MBTD1: variants seen among roughly 807,000 people sequenced by gnomAD.
The protein encoded by MBTD1 is MBT domain-containing protein 1.
In MBTD1, 24 loss-of-function variants were observed where a neutral mutation model predicts 87.8. The observed-to-expected ratio is 0.27, with a 90% CI of 0.20 to 0.38. The LOEUF (loss-of-function observed/expected upper bound fraction) is 0.38, where lower values mean the gene tolerates loss of function less well. MBTD1 is among the 10% of genes least tolerant of loss of function. MBTD1 has a pLI of 1.00. For synonymous variants in MBTD1, 237 were observed against 248.6 expected, an observed-to-expected ratio of 0.95 and a Z score of 0.44; for missense variants, 436 against 760.2, an observed-to-expected ratio of 0.57 and a Z score of 5.02.
At chr17:51,260,752 G>C, upstream of MBTD1, 2 of 1,581,974 alleles carry the variant, frequency 1.3e-6, no homozygotes, top group South Asian at 2.3e-5. Context: ...GGCCGAGCGC[G>C]GCGGCCGCTG....
At chr17:51,256,636 T>C (rs1489731075) in intron 2 of MBTD1, 2 of 152,210 alleles carry the variant, frequency 1.3e-5, no homozygotes, top group African/African-American at 4.8e-5. Context: ...TTTGGCTACT[T>C]AAATTTACAT....
intron 2 of MBTD1, among the ~76,000 whole-genome samples, chr17:51,243,030 G>A (rs9893910): frequency 0.62 from 93,895 of 152,004 alleles, 29,504 homozygotes; most frequent in African/African-American, 0.73. Flanking sequence ...ACGCTGCAGC[G>A]AACTTATGTA....
chr17:51,236,115 G>T (rs2053820922), intron 2 of MBTD1, among the ~76,000 whole-genome samples: 1 of 151,826 alleles, frequency 6.6e-6, no homozygotes, highest in South Asian at 2.1e-4. Flanking sequence ...CATACCTATA[G>T]ATATGTCAAT....
rs2051863677 is a variant in MBTD1, at chr17:51,206,741, T to C, written c.604+147A>G. On this transcript the variant is annotated intron_variant, in intron 7 of 16. Transcript: ENST00000586178. ...AAGTTGAAAATATTTGTTTGGCTTTTCACAGAAAACAATTTGCCAACCCCT... is the reference window on the plus strand; with the variant it reads ...AAGTTGAAAATATTTGTTTGGCTTTCCACAGAAAACAATTTGCCAACCCCT... 7.0e-6 allele frequency: 4 copies of C among 567,738 alleles called. No homozygotes were observed. In the South Asian group the frequency reaches 7.1e-5, roughly 10 times the overall value. The allele number at this position is 567,738 out of a possible 1,614,324, so 35.2% of individuals were successfully genotyped here.
intron 16 of MBTD1, 115 bp downstream of exon 16, chr17:51,192,088 T>TAC: frequency 2.5e-6 from 2 of 790,658 alleles, no homozygotes. Flanking sequence ...TTAAGCATAA[T>TAC]ACATAATGCA....
At chr17:51,241,427 T>A (rs1391164311) in intron 2 of MBTD1, among the ~76,000 whole-genome samples, 2 of 152,212 alleles carry the variant, frequency 1.3e-5, no homozygotes, top group Non-Finnish European at 2.9e-5. Context: ...GATCCAATGA[T>A]TCTTGCCCAG....
At chr17:51,259,796 C>T (rs576991873) in intron 1 of MBTD1, 39 bp downstream of exon 1, 11 of 1,232,574 alleles carry the variant, frequency 8.9e-6, no homozygotes, top group Admixed American at 8.4e-5. Flanking sequence ...GCGTCCCCCC[C>T]ACCTGGCACA....
upstream of MBTD1, chr17:51,260,929 G>A: frequency 1.9e-6 from 3 of 1,547,274 alleles, no homozygotes; most frequent in Non-Finnish European, 2.6e-6. Flanking sequence ...GCCCGAGGGT[G>A]AGGGAGGCCG....
intron 2 of MBTD1, among the ~76,000 whole-genome samples, chr17:51,253,053 T>C (rs2054886923): frequency 6.6e-6 from 1 of 152,134 alleles, no homozygotes; most frequent in African/African-American, 2.4e-5. Context: ...CATTGTTTAA[T>C]TATTGTACTA....
intron 13 of MBTD1, 64 bp downstream of exon 13, chr17:51,195,150 A>T: frequency 6.7e-7 from 1 of 1,487,286 alleles, no homozygotes; most frequent in Non-Finnish European, 9.2e-7. Flanking sequence ...TAAATGTTGT[A>T]AACAAAAACC....
At chr17:51,234,174 G>A (rs1168409284) in intron 2 of MBTD1, among the ~76,000 whole-genome samples, 1 of 151,980 alleles carries the variant, frequency 6.6e-6, no homozygotes, top group African/African-American at 2.4e-5. Flanking sequence ...TGGATCACCT[G>A]AGGTCGTCAG....
At chr17:51,242,973 A>C in intron 2 of MBTD1, among the ~76,000 whole-genome samples, 1 of 152,206 alleles carries the variant, frequency 6.6e-6, no homozygotes, top group South Asian at 2.1e-4. Flanking sequence ...TTATTCAACA[A>C]ATCTCTCGTT....
At chr17:51,199,876 G>A in intron 12 of MBTD1, among the ~76,000 whole-genome samples, 1 of 151,460 alleles carries the variant, frequency 6.6e-6, no homozygotes. Context: ...CCAGGCTGGA[G>A]TGCAGTGGCA....
At chr17:51,192,723 A>G (rs771368640) in intron 15 of MBTD1, 59 bp downstream of exon 15, 1 of 1,597,176 alleles carries the variant, frequency 6.3e-7, no homozygotes, top group Non-Finnish European at 8.5e-7. Flanking sequence ...TATGTGAGAT[A>G]GTCCTCTGGA....
At chr17:51,229,552 T>C (rs2053434498) in intron 2 of MBTD1, among the ~76,000 whole-genome samples, 1 of 152,126 alleles carries the variant, frequency 6.6e-6, no homozygotes, top group South Asian at 2.1e-4. Context: ...CTACAAAAAC[T>C]GATTTCTTAG....
chr17:51,228,431 T>A (rs1598387431), intron 2 of MBTD1, among the ~76,000 whole-genome samples: 1 of 150,418 alleles, frequency 6.6e-6, no homozygotes, highest in African/African-American at 2.4e-5. Context: ...AGAAGTTATA[T>A]CATCTTTAGT....
intron 5 of MBTD1, among the ~76,000 whole-genome samples, chr17:51,218,398 G>A (rs1486286091): frequency 1.3e-5 from 2 of 151,646 alleles, no homozygotes; most frequent in African/African-American, 4.8e-5. Flanking sequence ...GTGTGGTGGC[G>A]TGCGCCTGTA....
At chr17:51,229,338 A>T (rs895759530) in intron 2 of MBTD1, among the ~76,000 whole-genome samples, 16 of 151,528 alleles carry the variant, frequency 1.1e-4, no homozygotes, top group Admixed American at 2.0e-4. Flanking sequence ...TTAAGCTAAA[A>T]TTTTTTTTTC....
chr17:51,220,574 G>T, intron 3 of MBTD1, 111 bp from the exon 4 acceptor site: 2 of 1,022,472 alleles, frequency 2.0e-6, no homozygotes, highest in Non-Finnish European at 2.8e-6. Context: ...TAAAAAATTT[G>T]CCTTGAACAT....
Sources: gnomAD v4.1 joint callset for allele counts (sites outside exome capture counted in the v4.1 genomes callset) on GRCh38, gnomAD v4.1.1 for gene constraint, MANE v1.5 for transcripts, NCBI Gene and HGNC (gene_info 2026-07-23, HGNC 2026-07-21) for gene names.